The following PARD3B variants were observed in gnomAD, a reference collection of about 807,000 sequenced individuals.
The protein encoded by PARD3B is par-3 family cell polarity regulator beta.
Under a neutral mutation model 130.2 loss-of-function variants are expected in PARD3B, and 103 were observed. The ratio of observed to expected loss-of-function variants is 0.79; its 90% confidence interval spans 0.67 to 0.93. The LOEUF is 0.93. Ranked by LOEUF, PARD3B falls within the 40% of genes least tolerant of loss-of-function variation. PARD3B has a pLI of 0.00. For synonymous variants in PARD3B, 583 were observed against 553.2 expected, an observed-to-expected ratio of 1.05 and a Z score of -0.76; for missense variants, 1,609 against 1,499.2, an observed-to-expected ratio of 1.07 and a Z score of -1.21.
rs192295018 is a variant in PARD3B at position 205,103,651 on chromosome 2, G to A, written c.505-775G>A. Reference sequence around the variant, plus strand: ...AGTTTATTGTGACTCCACTTATGAAGAGACAGGTATCCACAGGATTCCCTG... The same window carrying A: ...AGTTTATTGTGACTCCACTTATGAAAAGACAGGTATCCACAGGATTCCCTG... On this transcript the variant is annotated intron_variant, in intron 4 of 22. Transcript: ENST00000406610. 71 of 915,490 alleles carry A rather than the reference G, an allele frequency of 7.8e-5. 1 individual carries two copies. In the East Asian group the frequency reaches 7.5e-3, roughly 96 times the overall value. The allele number at this position is 915,490 out of a possible 1,614,324, so 56.7% of individuals were successfully genotyped here.
In PARD3B at chr2:205,113,569, G is replaced by A; in HGVS notation, c.672G>A (p.Leu224=). 6.2e-7 allele frequency: 1 copy of A among 1,610,870 alleles called. No individual in the cohort carries two copies. Among genetic ancestry groups the A allele is most frequent in the Non-Finnish European group, 8.5e-7 (1 of 1,177,802 alleles). The change falls in exon 6 of 23, where the codon CTG becomes CTA. Residue 224 remains leucine, a synonymous_variant. Coordinates refer to ENST00000406610, the MANE Select transcript of PARD3B (RefSeq NM_001302769.2). ...ATGTAGTGCCCTTCTTTTCATCTCTGAGTGGAAGGTAAGATGTTTTTCTCA... is the reference window on the plus strand; with the variant it reads ...ATGTAGTGCCCTTCTTTTCATCTCTAAGTGGAAGGTAAGATGTTTTTCTCA... ...GIHVVPFFSS[L]SGRILGLFIR...
At chr2:204,783,725 C>T (rs1006960504) in intron 2 of PARD3B, among the ~76,000 whole-genome samples, 2 of 152,092 alleles carry the variant, frequency 1.3e-5, no homozygotes, top group African/African-American at 4.8e-5. Context: ...ATGTCTCACT[C>T]AAAGGCACAG....
At position 205,083,176 on chromosome 2, in the gene PARD3B, C is replaced by T. The variant is rs150516103; in HGVS notation, c.505-21250C>T. Among the ~76,000 whole-genome samples, 124 of 151,996 alleles carry T rather than the reference C, an allele frequency of 8.2e-4. 1 individual carries two copies. The highest frequency in any genetic ancestry group is 2.8e-3 in the African/African-American group (118 of 41,486). On this transcript the variant is annotated intron_variant, in intron 4 of 22. Coordinates refer to ENST00000406610, the MANE Select transcript of PARD3B (RefSeq NM_001302769.2). ...CCTCATGATCTGCCCATCTTGGCCTCGCAAAGTGCTGGGATTACAAGCGTG... is the reference window on the plus strand; with the variant it reads ...CCTCATGATCTGCCCATCTTGGCCTTGCAAAGTGCTGGGATTACAAGCGTG...
Position 205,047,625 on chromosome 2 carries a change from C to T in PARD3B, c.439C>T (p.Pro147Ser), listed in dbSNP as rs1225346811. The change falls in exon 4 of 23, where the codon CCA becomes TCA. Residue 147 changes from proline to serine, a missense_variant. Transcript: ENST00000406610. ...VRRSSDPVPG[P>S]PADTQPSASH... ...GAGAAGCAGTGACCCAGTGCCAGGC[C>T]CACCTGCTGATACCCAGCCAAGCGC... 6.4e-7 allele frequency: 1 copy of T among 1,550,786 alleles called. No homozygotes were observed. Among genetic ancestry groups the T allele is most frequent in the African/African-American group, 1.4e-5 (1 of 73,144 alleles).
chr2:205,271,080 T>C (rs1280128462), intron 16 of PARD3B, among the ~76,000 whole-genome samples: 1 of 152,190 alleles, frequency 6.6e-6, no homozygotes, highest in African/African-American at 2.4e-5. Context: ...AACTTTACCA[T>C]TTATTACATT....
At chr2:204,596,911 T>TCACG (rs1270007634) in intron 1 of PARD3B, among the ~76,000 whole-genome samples, 1 of 151,064 alleles carries the variant, frequency 6.6e-6, no homozygotes, top group East Asian at 1.9e-4. Context: ...AGAGAGAAAC[T>TCACG]CACTCACTCT....
chr2:205,380,142 G>A (rs1276502017), intron 18 of PARD3B, among the ~76,000 whole-genome samples: 5 of 117,190 alleles, frequency 4.3e-5, no homozygotes, highest in East Asian at 2.3e-4. Flanking sequence ...ATTATATAAA[G>A]AATATATATT....
intron 18 of PARD3B, among the ~76,000 whole-genome samples, chr2:205,347,042 T>C (rs1381538780): frequency 2.0e-5 from 3 of 152,240 alleles, no homozygotes; most frequent in Non-Finnish European, 4.4e-5. Context: ...CTTCCACTTA[T>C]TTCCATTAAA....
At position 204,809,337 on chromosome 2, in the gene PARD3B, T is replaced by G. The variant is rs150190634; in HGVS notation, c.222+123055T>G. ...ACAATTGCTTTTGGCATCTTTGTCA[T>G]GAAACCTTTGCCAGTTTCTATGTTC... On this transcript the variant is annotated intron_variant, in intron 2 of 22. Coordinates refer to ENST00000406610, the MANE Select transcript of PARD3B (RefSeq NM_001302769.2). Among the ~76,000 whole-genome samples the G allele has an allele frequency of 3.3e-5, 5 of 152,348 alleles. No homozygotes were observed. The South Asian group carries it at 8.3e-4, about 25-fold the overall frequency.
intron 4 of PARD3B, 88 bp from the exon 5 acceptor site, chr2:205,104,338 G>C: frequency 4.4e-6 from 4 of 907,060 alleles, no homozygotes; most frequent in Non-Finnish European, 7.2e-6. Flanking sequence ...AGCGTAAAGC[G>C]GTTTACTCTC....
At chr2:205,331,293 A>G (rs10197558) in intron 18 of PARD3B, among the ~76,000 whole-genome samples, 2,454 of 150,082 alleles carry the variant, frequency 0.016, 62 homozygotes, top group African/African-American at 0.056. Context: ...ACACACACGT[A>G]CACATACACA....
At chr2:205,190,728 C>T (rs953127537) in intron 14 of PARD3B, among the ~76,000 whole-genome samples, 7 of 152,114 alleles carry the variant, frequency 4.6e-5, no homozygotes, top group Non-Finnish European at 8.8e-5. Context: ...TCTATGAAGG[C>T]CATGAGTCTT....
intron 7 of PARD3B, among the ~76,000 whole-genome samples, chr2:205,119,825 C>T (rs2030447969): frequency 6.6e-6 from 1 of 152,074 alleles, no homozygotes; most frequent in Non-Finnish European, 1.5e-5. Context: ...AAGAAATCAT[C>T]TTTCTGCATG....
intron 2 of PARD3B, among the ~76,000 whole-genome samples, chr2:204,813,178 A>G (rs1329677039): frequency 9.2e-5 from 14 of 152,282 alleles, no homozygotes; most frequent in Non-Finnish European, 1.5e-5. Context: ...CCAATATTGG[A>G]GTTCCAGTTA....
chr2:205,401,376 A>G (rs1559058526), intron 19 of PARD3B, among the ~76,000 whole-genome samples: 1 of 152,228 alleles, frequency 6.6e-6, no homozygotes, highest in Admixed American at 6.5e-5. Flanking sequence ...TGTTTTGACC[A>G]TAAAAATGCA....
Position 204,953,449 on chromosome 2 carries a change from A to AGAGAGG in PARD3B, c.223-11698_223-11697insGGAGAG, listed in dbSNP as rs1553566392. ...GAGAGAGAGAGAGAGAGAGAGAGAG[A>AGAGAGG]GAGAGAGAGAGAGAGAGAAGGCTGG... On this transcript the variant is annotated intron_variant, in intron 2 of 22. Coordinates refer to ENST00000406610, the MANE Select transcript of PARD3B (RefSeq NM_001302769.2). Among the ~76,000 whole-genome samples the AGAGAGG allele has an allele frequency of 2.6e-3, 384 of 150,058 alleles. 1 individual carries two copies. Among genetic ancestry groups the AGAGAGG allele is most frequent in the Non-Finnish European group, 3.9e-3 (266 of 67,380 alleles).
chr2:205,611,256 AG>A (rs2055218978), intron 22 of PARD3B, among the ~76,000 whole-genome samples: 1 of 152,150 alleles, frequency 6.6e-6, no homozygotes, highest in South Asian at 2.1e-4. Context: ...ATTCCTAGCA[AG>A]AGGTTTGCTA....
chr2:205,217,892 A>AT (rs1409391243), intron 15 of PARD3B, among the ~76,000 whole-genome samples: 51 of 28,050 alleles, frequency 1.8e-3, no homozygotes, highest in African/African-American at 4.4e-3. Context: ...ATATATATAT[A>AT]TATTTTTTTT....
chr2:205,390,343 A>G (rs1016070600), intron 18 of PARD3B, among the ~76,000 whole-genome samples: 1 of 151,916 alleles, frequency 6.6e-6, no homozygotes, highest in African/African-American at 2.4e-5. Flanking sequence ...GATGTGCAGC[A>G]GGTTTGGAAT....
Sources: allele counts gnomAD v4.1 joint callset (sites outside exome capture counted in the v4.1 genomes callset), GRCh38; gene constraint gnomAD v4.1.1; transcripts MANE v1.5; gene names NCBI Gene and HGNC (gene_info 2026-07-23, HGNC 2026-07-21).